Variants in STARD13 observed in about 807,000 individuals in gnomAD.
STARD13 encodes StAR related lipid transfer domain containing 13, also known as stAR-related lipid transfer protein 13.
In STARD13, 62 loss-of-function variants were observed where a neutral mutation model predicts 106.4. The observed-to-expected ratio is 0.58, with a 90% CI of 0.48 to 0.72. The LOEUF is 0.72. STARD13 is among the 30% of genes least tolerant of loss of function. The pLI is 0.00. For missense variants in STARD13, 1,387 were observed against 1,424.0 expected, an observed-to-expected ratio of 0.97 and a Z score of 0.42; for synonymous variants, 565 against 553.0, an observed-to-expected ratio of 1.02 and a Z score of -0.31.
At chr13:33,162,509 C>T (rs1594008139) in intron 3 of STARD13, among the ~76,000 whole-genome samples, 1 of 152,198 alleles carries the variant, frequency 6.6e-6, no homozygotes, top group East Asian at 1.9e-4. Context: ...AACTTTTATG[C>T]TCTGTTTCCT....
chr13:33,529,781 T>C, the STARD13 span, among the ~76,000 whole-genome samples: 1 of 152,060 alleles, frequency 6.6e-6, no homozygotes, highest in African/African-American at 2.4e-5. Context: ...GGGATGGGAA[T>C]CCAAAGGCAT....
the STARD13 span, among the ~76,000 whole-genome samples, chr13:33,586,630 G>T: frequency 6.6e-6 from 1 of 152,110 alleles, no homozygotes; most frequent in Non-Finnish European, 1.5e-5. Flanking sequence ...TGAAAGAGCC[G>T]GGTGTTAAAT....
intron 1 of STARD13, among the ~76,000 whole-genome samples, chr13:33,202,536 G>A (rs1242311575): frequency 6.6e-6 from 1 of 152,210 alleles, no homozygotes; most frequent in Non-Finnish European, 1.5e-5. Flanking sequence ...TACCTGGCCT[G>A]TCTTTGCGGA....
At chr13:33,600,955 TCTCTC>T in the STARD13 span, among the ~76,000 whole-genome samples, 1 of 152,194 alleles carries the variant, frequency 6.6e-6, no homozygotes, top group Non-Finnish European at 1.5e-5. Flanking sequence ...TCACATTACT[TCTCTC>T]CTCTCATCCC....
At chr13:33,459,740 C>G in the STARD13 span, among the ~76,000 whole-genome samples, 164 of 152,280 alleles carry the variant, frequency 1.1e-3, no homozygotes, top group Middle Eastern at 3.4e-3. Flanking sequence ...TATTGTAGAA[C>G]AAGTCTTCTG....
intron 1 of STARD13, among the ~76,000 whole-genome samples, chr13:33,195,230 AT>A (rs890244732): frequency 3.7e-4 from 57 of 152,342 alleles, no homozygotes; most frequent in African/African-American, 1.3e-3. Context: ...CAACACATTC[AT>A]TTATTTTAAT....
chr13:33,385,467 T>TA, the STARD13 span, among the ~76,000 whole-genome samples: 2,068 of 76,400 alleles, frequency 0.027, 25 homozygotes, highest in Middle Eastern at 0.038. Context: ...CCCAGAATGG[T>TA]AAAAAAAAAA....
the STARD13 span, among the ~76,000 whole-genome samples, chr13:33,574,082 T>A: frequency 2.6e-5 from 4 of 152,066 alleles, no homozygotes; most frequent in African/African-American, 9.7e-5. Flanking sequence ...CCTAAAAACA[T>A]GACAGGAGTT....
intron 7 of STARD13, among the ~76,000 whole-genome samples, chr13:33,125,661 A>AC (rs919765675): frequency 1.3e-5 from 2 of 151,826 alleles, no homozygotes; most frequent in Non-Finnish European, 2.9e-5. Context: ...AAAGGAAAAA[A>AC]AAAGAATTAA....
the STARD13 span, chr13:33,439,799 A>C: frequency 1.3e-6 from 1 of 742,570 alleles, no homozygotes; most frequent in Non-Finnish European, 1.9e-6. Flanking sequence ...TTTGAGACAA[A>C]AAATAAGATT....
At chr13:33,343,075 T>C (rs930001139) in intron 1 of STARD13, among the ~76,000 whole-genome samples, 3 of 152,104 alleles carry the variant, frequency 2.0e-5, no homozygotes, top group African/African-American at 7.2e-5. Context: ...TGCATCCAAT[T>C]CCTTGACTTT....
the STARD13 span, among the ~76,000 whole-genome samples, chr13:33,431,383 T>G: frequency 1.1e-4 from 17 of 152,198 alleles, no homozygotes; most frequent in Admixed American, 6.5e-5. Context: ...CTGGGCTAAA[T>G]AAAATGTTAT....
intron 1 of STARD13, among the ~76,000 whole-genome samples, chr13:33,197,648 C>T (rs767202662): frequency 4.6e-5 from 7 of 152,338 alleles, no homozygotes; most frequent in Admixed American, 2.6e-4. Flanking sequence ...CTGCTGCTGA[C>T]GCAGTAAGTG....
chr13:33,536,785 A>G, the STARD13 span, among the ~76,000 whole-genome samples: 21 of 152,220 alleles, frequency 1.4e-4, no homozygotes, highest in Non-Finnish European at 2.9e-4. Flanking sequence ...CTTCCCTGTG[A>G]TGTCTGATAA....
At chr13:33,618,917 A>G in the STARD13 span, among the ~76,000 whole-genome samples, 1 of 151,944 alleles carries the variant, frequency 6.6e-6, no homozygotes, top group Non-Finnish European at 1.5e-5. Flanking sequence ...GAGAGCTGGG[A>G]CCATAAGAAT....
the STARD13 span, among the ~76,000 whole-genome samples, chr13:33,582,425 A>G: frequency 6.6e-6 from 1 of 152,208 alleles, no homozygotes; most frequent in Middle Eastern, 3.4e-3. Context: ...ACATCCTCAA[A>G]CTTGGGTAAA....
upstream of STARD13, among the ~76,000 whole-genome samples, chr13:33,286,808 A>G (rs1206328306): frequency 2.6e-5 from 4 of 152,126 alleles, no homozygotes; most frequent in Non-Finnish European, 5.9e-5. Flanking sequence ...ATATGGTTTA[A>G]GCAAACTGCT....
chr13:33,586,144 G>C, the STARD13 span, among the ~76,000 whole-genome samples: 2 of 152,096 alleles, frequency 1.3e-5, no homozygotes, highest in Non-Finnish European at 2.9e-5. Context: ...AATACAACTG[G>C]AAATGACCAA....
upstream of STARD13, chr13:33,350,732 TC>T (rs2078070364): frequency 1.3e-6 from 1 of 799,438 alleles, no homozygotes; most frequent in Non-Finnish European, 1.4e-6. Context: ...TCCCCTGCCC[TC>T]CCCCTGGCTG....
Sources: allele counts gnomAD v4.1 joint callset (sites outside exome capture counted in the v4.1 genomes callset), GRCh38; gene constraint gnomAD v4.1.1; transcripts MANE v1.5; gene names NCBI Gene and HGNC (gene_info 2026-07-23, HGNC 2026-07-21).